The following PRPF39 variants were observed in gnomAD, a reference collection of about 807,000 sequenced individuals.
PRPF39 encodes pre-mRNA processing factor 39, also known as pre-mRNA-processing factor 39.
A neutral mutation model predicts 82.1 loss-of-function variants in PRPF39; 27 were observed. The observed-to-expected ratio is 0.33, with a 90% CI of 0.24 to 0.45. PRPF39 has a LOEUF of 0.45. Ranked by LOEUF, PRPF39 falls within the 20% of genes least tolerant of loss-of-function variation. The pLI, the probability that PRPF39 is intolerant of heterozygous loss-of-function variation, is 1.00. For missense variants in PRPF39, 581 were observed against 796.9 expected (o/e 0.73, Z 3.26); for synonymous variants, 261 against 256.4 (o/e 1.02, Z -0.17).
intron 10 of PRPF39, among the ~76,000 whole-genome samples, 158 bp from the exon 11 acceptor site, chr14:45,112,160 C>A (rs1461350805): frequency 6.6e-6 from 1 of 152,036 alleles, no homozygotes; most frequent in Non-Finnish European, 1.5e-5. Flanking sequence ...AATTTTTTCA[C>A]CCCTTTAGAT....
At chr14:45,091,822 A>G (rs540995236) in intron 1 of PRPF39, among the ~76,000 whole-genome samples, 1 of 152,366 alleles carries the variant, frequency 6.6e-6, no homozygotes, top group South Asian at 2.1e-4. Flanking sequence ...GGACAGTCTC[A>G]TGCACTGTTG....
Position 45,114,902 on chromosome 14 carries a change from C to G in PRPF39, c.1999C>G (p.Pro667Ala). 1 of 1,597,256 alleles carries G rather than the reference C, an allele frequency of 6.3e-7. No individual in the cohort carries two copies. Among genetic ancestry groups the G allele is most frequent in the Non-Finnish European group, 8.6e-7 (1 of 1,165,314 alleles). Residue 667 changes from proline (P) to alanine (A), a missense_variant, in exon 14 of 14, where the codon CCT (proline) becomes GCT (alanine). By Grantham distance (27) the Pro-to-Ala change is conservative (BLOSUM62 -1). Coordinates refer to ENST00000355765, the MANE Select transcript of PRPF39 (RefSeq NM_017922.4). ...GAATTATGGACAATATTATCCTCCCCCTCCAACCTGATGGGAAAAATGTAA... is the reference window on the plus strand; with the variant it reads ...GAATTATGGACAATATTATCCTCCCGCTCCAACCTGATGGGAAAAATGTAA... ...PWNYGQYYPP[P>A]PT is the part of the protein sequence containing the mutation.
In PRPF39 at chr14:45,096,182, A is replaced by T; in HGVS notation, c.404A>T (p.Tyr135Phe). 6.3e-7 allele frequency: 1 copy of T among 1,591,888 alleles called. No individual in the cohort carries two copies. Among genetic ancestry groups the T allele is most frequent in the Non-Finnish European group, 8.6e-7 (1 of 1,168,230 alleles). The change falls in exon 3 of 14, where the codon TAT (tyrosine) becomes TTT (phenylalanine). Residue 135 changes from tyrosine to phenylalanine, a missense_variant. Physicochemically the swap from Tyr to Phe is conservative, Grantham distance 22 (BLOSUM62 3). Transcript: ENST00000355765. ...YPYCYGYWKK[Y>F]ADLEKRHDNI... Reference sequence around the variant, plus strand: ...TATTGCTATGGTTACTGGAAAAAGTATGCAGACCTTGAAAAGCGGCACGAC... The same window carrying T: ...TATTGCTATGGTTACTGGAAAAAGTTTGCAGACCTTGAAAAGCGGCACGAC...
intron 5 of PRPF39, 67 bp downstream of exon 5, chr14:45,102,763 A>G: frequency 7.3e-7 from 1 of 1,375,642 alleles, no homozygotes; most frequent in Non-Finnish European, 9.9e-7. Context: ...ATTAAGTATT[A>G]TAATTATCTT....
intron 10 of PRPF39, among the ~76,000 whole-genome samples, chr14:45,111,447 G>C (rs1396020010): frequency 6.6e-6 from 1 of 151,800 alleles, no homozygotes; most frequent in Non-Finnish European, 1.5e-5. Flanking sequence ...TGATTCTCCA[G>C]CCTCAGCCTC....
In PRPF39 at chr14:45,112,339, A is replaced by C; in HGVS notation, c.1594A>C (p.Asn532His). Residue 532 changes from asparagine to histidine, a missense_variant, in exon 11 of 14, where the codon AAT becomes CAT. Physicochemically the swap from Asn to His is moderately conservative, Grantham distance 68. Coordinates refer to ENST00000355765, the MANE Select transcript of PRPF39 (RefSeq NM_017922.4). The part of the protein sequence containing the change: ...RDKENTKLYL[N>H]LLEMEYSGDL... ...ACAGGAGAACACAAAGTTATACCTC[A>C]ATTTACTTGAAATGGAATATAGTGG... The C allele has an allele frequency of 6.4e-7, 1 of 1,560,800 alleles. No individual in the cohort carries two copies. Among genetic ancestry groups the C allele is most frequent in the Non-Finnish European group, 8.6e-7 (1 of 1,163,994 alleles).
intron 2 of PRPF39, 196 bp downstream of exon 2, chr14:45,095,759 C>G: frequency 1.4e-6 from 1 of 716,576 alleles, no homozygotes; most frequent in Non-Finnish European, 2.1e-6. Context: ...TCAGTAGTGT[C>G]AAAGCTTAAT....
At chr14:45,106,920 A>T (rs1263897843) in intron 5 of PRPF39, among the ~76,000 whole-genome samples, 1 of 152,160 alleles carries the variant, frequency 6.6e-6, no homozygotes, top group Admixed American at 6.5e-5. Context: ...GGGCAGTTTC[A>T]TTGGATTTTT....
chr14:45,114,748 G>T, intron 13 of PRPF39, 109 bp from the exon 14 acceptor site: 1 of 1,378,230 alleles, frequency 7.3e-7, no homozygotes, highest in Non-Finnish European at 1.0e-6. Context: ...TAGAATTTTA[G>T]CAGTGAACAC....
intron 1 of PRPF39, among the ~76,000 whole-genome samples, chr14:45,093,443 T>C (rs1200722631): frequency 3.3e-5 from 5 of 152,194 alleles, no homozygotes; most frequent in Admixed American, 3.3e-4. Flanking sequence ...AGGCTGGTCT[T>C]GAACTCCTGA....
At chr14:45,099,691 G>A (rs552339383) in intron 4 of PRPF39, among the ~76,000 whole-genome samples, 32 of 152,246 alleles carry the variant, frequency 2.1e-4, no homozygotes, top group African/African-American at 6.3e-4. Flanking sequence ...TGATCCGCCC[G>A]TCTTGGCCTC....
intron 11 of PRPF39, among the ~76,000 whole-genome samples, chr14:45,113,558 A>G (rs1884755239): frequency 6.6e-6 from 1 of 152,234 alleles, no homozygotes; most frequent in Non-Finnish European, 1.5e-5. Flanking sequence ...AAGGTACACA[A>G]AAGATGAGAT....
intron 4 of PRPF39, among the ~76,000 whole-genome samples, 159 bp downstream of exon 4, chr14:45,097,164 CA>C (rs1884223895): frequency 6.6e-6 from 1 of 152,070 alleles, no homozygotes; most frequent in Non-Finnish European, 1.5e-5. Flanking sequence ...TTTGAAAATG[CA>C]GATAATAAAG....
intron 11 of PRPF39, among the ~76,000 whole-genome samples, chr14:45,112,916 C>G (rs73340622): frequency 0.099 from 15,083 of 152,134 alleles, 986 homozygotes; most frequent in African/African-American, 0.18. Context: ...TGGATATGGT[C>G]CCACAGAACA....
chr14:45,113,739 G>A (rs907665015), intron 11 of PRPF39, among the ~76,000 whole-genome samples: 1 of 152,178 alleles, frequency 6.6e-6, no homozygotes, highest in African/African-American at 2.4e-5. Flanking sequence ...CTGATAAACT[G>A]AGCAGAGGAC....
intron 1 of PRPF39, among the ~76,000 whole-genome samples, chr14:45,093,802 G>A (rs1456781521): frequency 6.7e-6 from 1 of 148,944 alleles, no homozygotes; most frequent in Non-Finnish European, 1.5e-5. Context: ...TGATCCGCCT[G>A]CCTCAGCCTC....
At chr14:45,090,825 C>T (rs181375702) in intron 1 of PRPF39, among the ~76,000 whole-genome samples, 130 of 152,210 alleles carry the variant, frequency 8.5e-4, no homozygotes, top group Admixed American at 1.5e-3. Flanking sequence ...TTATATGTCA[C>T]TACGAGGAAT....
At chr14:45,085,439 T>G (rs912854056) in intron 1 of PRPF39, among the ~76,000 whole-genome samples, 1 of 152,216 alleles carries the variant, frequency 6.6e-6, no homozygotes, top group Non-Finnish European at 1.5e-5. Flanking sequence ...AGAAGATGTT[T>G]AAAAGTCAAA....
At chr14:45,085,532 T>C (rs927329583) in intron 1 of PRPF39, among the ~76,000 whole-genome samples, 3 of 152,190 alleles carry the variant, frequency 2.0e-5, no homozygotes, top group Admixed American at 6.5e-5. Flanking sequence ...AAATTAAAAA[T>C]AGCCGAAGGA....
Sources: allele counts gnomAD v4.1 joint callset (sites outside exome capture counted in the v4.1 genomes callset), GRCh38; gene constraint gnomAD v4.1.1; transcripts MANE v1.5; gene names NCBI Gene and HGNC (gene_info 2026-07-23, HGNC 2026-07-21).